Variants in CCNDBP1 observed in about 807,000 individuals in gnomAD.
CCNDBP1 encodes the protein cyclin D1 binding protein 1.
Under a neutral mutation model 46.2 loss-of-function variants are expected in CCNDBP1, and 45 were observed. The observed-to-expected ratio is 0.97, with a 90% confidence interval of 0.77 to 1.25. The LOEUF is 1.25. Among genes scored for constraint, CCNDBP1 ranks in the 50% most tolerant of loss-of-function variants. The probability of loss-of-function intolerance (pLI) is 0.00; values close to 1 mark genes in which losing one functional copy is unlikely to be tolerated. For synonymous variants in CCNDBP1, 154 were observed against 163.6 expected (o/e 0.94, Z 0.45); for missense variants, 436 against 442.1 (o/e 0.99, Z 0.12).
At chr15:43,190,514 T>C in intron 6 of CCNDBP1, 116 bp downstream of exon 6, 1 of 689,934 alleles carries the variant, frequency 1.4e-6, no homozygotes, top group Non-Finnish European at 2.4e-6. Context: ...GTGAAATATA[T>C]ATATTTTATT....
chr15:43,185,644 C>G, intron 1 of CCNDBP1, 37 bp downstream of exon 1: 1 of 298,630 alleles, frequency 3.3e-6, no homozygotes. Context: ...ACGGCAGGGG[C>G]GGGCTCGGGG....
chr15:43,194,130 C>T, intron 9 of CCNDBP1: 1 of 304,632 alleles, frequency 3.3e-6, no homozygotes, highest in Non-Finnish European at 6.1e-6. Context: ...CATTTGGGAC[C>T]AATTCAGGTT....
chr15:43,193,759 G>A (rs2041997606), intron 9 of CCNDBP1, among the ~76,000 whole-genome samples: 2 of 152,022 alleles, frequency 1.3e-5, no homozygotes, highest in Non-Finnish European at 2.9e-5. Context: ...TTGATAAATT[G>A]GATAATGGAA....
intron 3 of CCNDBP1, chr15:43,188,752 A>G (rs1323059011): frequency 6.4e-6 from 1 of 156,902 alleles, no homozygotes; most frequent in Non-Finnish European, 1.4e-5. Flanking sequence ...TCATACCAGG[A>G]CTTCAGAAAA....
At chr15:43,193,730 G>C (rs1488444123) in intron 9 of CCNDBP1, among the ~76,000 whole-genome samples, 1 of 152,126 alleles carries the variant, frequency 6.6e-6, no homozygotes, top group African/African-American at 2.4e-5. Flanking sequence ...ACAATTGAAT[G>C]TATCAATTCT....
intron 9 of CCNDBP1, chr15:43,194,075 TTA>T: frequency 2.9e-6 from 1 of 343,902 alleles, no homozygotes; most frequent in Non-Finnish European, 5.4e-6. Flanking sequence ...TTTTTTTTTT[TTA>T]AAGGAACCTT....
In CCNDBP1 at chr15:43,194,634, A is replaced by C. The variant is rs561401136; in HGVS notation, c.969-93A>C. On this transcript the variant is annotated intron_variant, in intron 10 of 10. Coordinates refer to ENST00000300213, the MANE Select transcript of CCNDBP1 (RefSeq NM_012142.5). ...TCTGCAAAGAAGCTTCCCTTTAAAA[A>C]AATTTTAGTTTTCCCTGTGCTCCCT... is the stretch of plus-strand genomic sequence containing the variant. The C allele has an allele frequency of 1.4e-5, 16 of 1,118,176 alleles. No homozygotes were observed. In the East Asian group the frequency reaches 3.7e-4, roughly 26 times the overall value. The allele number at this position is 1,118,176 out of a possible 1,614,324, so 69.3% of individuals were successfully genotyped here.
At chr15:43,194,551 AG>A in intron 10 of CCNDBP1, 90 bp downstream of exon 10, 1 of 1,129,720 alleles carries the variant, frequency 8.9e-7, no homozygotes, top group Non-Finnish European at 1.3e-6. Context: ...CATTTCAAGG[AG>A]TGGGAAAGGG....
chr15:43,186,253 A>C lies in CCNDBP1; in HGVS notation c.249+20A>C, dbSNP rs1229591368. 1 of 1,602,240 alleles carries C rather than the reference A, an allele frequency of 6.2e-7. No homozygotes were observed. Among genetic ancestry groups the C allele is most frequent in the Admixed American group, 1.7e-5 (1 of 59,940 alleles). ...CCACAGGTGGGCTTCACTTTCGTGG[A>C]ATCCTTGGGCTGCCGAGTTACACCT... On this transcript the variant is annotated intron_variant, in intron 3 of 10. Transcript: ENST00000300213.
At position 43,186,222 on chromosome 15, in the gene CCNDBP1, C is replaced by A. The variant is rs2041830987; in HGVS notation, c.238C>A (p.Pro80Thr). The change falls in exon 3 of 11, where the codon CCG (proline) becomes ACG (threonine). Residue 80 changes from proline to threonine, a missense_variant. Physicochemically the swap from Pro to Thr is conservative, Grantham distance 38. Transcript: ENST00000300213. ...LTIVFSQLPLPSPQETQKFCE... is the reference protein window; with the variant it reads ...LTIVFSQLPLTSPQETQKFCE... ...CATAGTCTTCTCTCAGCTTCCACTG[C>A]CGTCTCCACAGGTGGGCTTCACTTT... The A allele has an allele frequency of 6.2e-7, 1 of 1,613,628 alleles. No homozygotes were observed. The highest frequency in any genetic ancestry group is 8.5e-7 in the Non-Finnish European group (1 of 1,179,648).
chr15:43,190,417 TG>T lies in CCNDBP1; in HGVS notation c.502+22del. On this transcript the variant is annotated intron_variant, in intron 6 of 10. Transcript: ENST00000300213. ...CCAAGAGGTGAGTGAAAGTGGGCAG[TG>T]GGCCATGTCTGCTGGCCAAAGCAAA... 4 of 1,610,020 alleles carry T rather than the reference TG, an allele frequency of 2.5e-6. No individual in the cohort carries two copies. The highest frequency in any genetic ancestry group is 3.4e-6 in the Non-Finnish European group (4 of 1,176,272).
chr15:43,191,139 A>G, intron 7 of CCNDBP1, 97 bp downstream of exon 7: 1 of 1,008,154 alleles, frequency 9.9e-7, no homozygotes, highest in Admixed American at 1.8e-5. Flanking sequence ...GATAGGTCCC[A>G]TTCTCACTAC....
chr15:43,186,078 G>C, intron 2 of CCNDBP1, 76 bp from the exon 3 acceptor site: 1 of 1,396,988 alleles, frequency 7.2e-7, no homozygotes, highest in Non-Finnish European at 1.0e-6. Flanking sequence ...GAGAAGTCTC[G>C]GTCGGTAAGG....
chr15:43,197,108 T>G lies in CCNDBP1; in HGVS notation c.*2267T>G, dbSNP rs1313661711. 7.1e-6 allele frequency: 5 copies of G among 707,136 alleles called. No individual in the cohort carries two copies. Among genetic ancestry groups the G allele is most frequent in the Non-Finnish European group, 1.2e-5 (5 of 425,730 alleles). The allele number at this position is 707,136 out of a possible 1,614,324, so 43.8% of individuals were successfully genotyped here. A position where few individuals can be genotyped will look rare whatever the true frequency, so the allele number is the denominator to read the frequency against. On this transcript the variant is annotated 3_prime_UTR_variant, in exon 11 of 11. Coordinates refer to ENST00000300213, the MANE Select transcript of CCNDBP1 (RefSeq NM_012142.5). ...TCTTCCTGCATAAGTGGAAGCAGCC[T>G]GAAGCCCTCACTGTTTCTTGTACAG...
rs368615852 is a variant in CCNDBP1, at chr15:43,191,711, A to G, written c.860+36A>G. 51 of 1,578,522 alleles carry G rather than the reference A, an allele frequency of 3.2e-5. No individual in the cohort carries two copies. The African/African-American group carries it at 6.1e-4, about 19-fold the overall frequency. ...TCCCCACTTGAAACATCTGAGCAGCAGCGTTCTGATTTCAATTTGTGTTGT... is the reference window on the plus strand; with the variant it reads ...TCCCCACTTGAAACATCTGAGCAGCGGCGTTCTGATTTCAATTTGTGTTGT... On this transcript the variant is annotated intron_variant, in intron 8 of 10. Transcript: ENST00000300213.
At chr15:43,191,950 A>G (rs1309613622) in intron 8 of CCNDBP1, among the ~76,000 whole-genome samples, 2 of 152,070 alleles carry the variant, frequency 1.3e-5, no homozygotes, top group Non-Finnish European at 2.9e-5. Flanking sequence ...ATGACATTTC[A>G]CCCCTAAATA....
At chr15:43,188,863 G>A (rs952934954) in intron 3 of CCNDBP1, 1 of 191,854 alleles carries the variant, frequency 5.2e-6, no homozygotes, top group Admixed American at 5.5e-5. Flanking sequence ...GATCACCTGA[G>A]GTCAGGAGTT....
Position 43,191,479 on chromosome 15 carries a change from G to T in CCNDBP1, c.664G>T (p.Val222Leu). 6.2e-7 allele frequency: 1 copy of T among 1,611,890 alleles called. No individual in the cohort carries two copies. Among genetic ancestry groups the T allele is most frequent in the Non-Finnish European group, 8.5e-7 (1 of 1,179,164 alleles). ...TGACAACCACAATCATGAGGATGAT[G>T]TGTTGGGGTTTCCCAGCAATCAGGA... is the stretch of plus-strand genomic sequence containing the variant. ...NSDNHNHEDD[V>L]LGFPSNQDLY... Residue 222 changes from valine to leucine, a missense_variant, in exon 8 of 11, where the codon GTG becomes TTG. Physicochemically the swap from Val to Leu is conservative, Grantham distance 32. Transcript: ENST00000300213.
intron 7 of CCNDBP1, 53 bp from the exon 8 acceptor site, chr15:43,191,342 C>CTTTT: frequency 9.0e-7 from 1 of 1,109,194 alleles, no homozygotes; most frequent in African/African-American, 2.0e-5. Flanking sequence ...ATAGGCCTCG[C>CTTTT]CTTTTTTTTT....
Sources: allele counts gnomAD v4.1 joint callset (sites outside exome capture counted in the v4.1 genomes callset), GRCh38; gene constraint gnomAD v4.1.1; transcripts MANE v1.5; gene names NCBI Gene and HGNC (gene_info 2026-07-23, HGNC 2026-07-21).